TMEM116: variants seen among roughly 807,000 people sequenced by gnomAD.
The protein encoded by TMEM116 is transmembrane protein 116.
Under a neutral mutation model 44.3 loss-of-function variants are expected in TMEM116, and 38 were observed. That is an observed-to-expected ratio of 0.86 (90% CI 0.66 to 1.12). TMEM116 has a LOEUF of 1.12. TMEM116 is among the 50% of genes most tolerant of loss of function. The pLI is 0.00. For synonymous variants in TMEM116, 132 were observed against 144.8 expected, an observed-to-expected ratio of 0.91 and a Z score of 0.64; for missense variants, 354 against 401.7, an observed-to-expected ratio of 0.88 and a Z score of 1.01.
chr12:112,008,166 GAC>G (rs1339297801), intron 1 of TMEM116, among the ~76,000 whole-genome samples: 2 of 152,144 alleles, frequency 1.3e-5, no homozygotes, highest in African/African-American at 4.8e-5. Flanking sequence ...CAGCCTGAGC[GAC>G]AGAGTGAAAC....
At chr12:111,998,605 G>A (rs547392957) in intron 3 of TMEM116, among the ~76,000 whole-genome samples, 4 of 152,286 alleles carry the variant, frequency 2.6e-5, no homozygotes, top group African/African-American at 9.6e-5. Flanking sequence ...GATCACCTGA[G>A]GTCAGGAGTT....
chr12:111,980,726 CTG>C (rs559915565), intron 4 of TMEM116, among the ~76,000 whole-genome samples: 22 of 152,266 alleles, frequency 1.4e-4, no homozygotes, highest in African/African-American at 5.3e-4. Flanking sequence ...AAATCTAAAA[CTG>C]TTCTAAAAAT....
chr12:111,960,512 A>G (rs2074502618), intron 4 of TMEM116, among the ~76,000 whole-genome samples: 3 of 149,760 alleles, frequency 2.0e-5, no homozygotes, highest in Admixed American at 6.6e-5. Flanking sequence ...AAAAAAAAAA[A>G]AAAAAAGAAA....
chr12:112,004,948 A>AT (rs1224476982), intron 2 of TMEM116, among the ~76,000 whole-genome samples: 1 of 152,008 alleles, frequency 6.6e-6, no homozygotes, highest in African/African-American at 2.4e-5. Flanking sequence ...AGCCCTGCCA[A>AT]TTTTCTCTTT....
At chr12:112,008,704 G>C (rs1417584715) in intron 1 of TMEM116, among the ~76,000 whole-genome samples, 6 of 152,162 alleles carry the variant, frequency 3.9e-5, no homozygotes, top group Non-Finnish European at 8.8e-5. Flanking sequence ...AGGCACGGTG[G>C]AGTACGCCTG....
At chr12:111,976,816 A>G (rs2075696180) in intron 4 of TMEM116, among the ~76,000 whole-genome samples, 2 of 152,212 alleles carry the variant, frequency 1.3e-5, no homozygotes, top group African/African-American at 4.8e-5. Flanking sequence ...AAAATACTGT[A>G]ATAGACATAA....
At chr12:111,983,038 T>A (rs1249785480) in intron 4 of TMEM116, among the ~76,000 whole-genome samples, 1 of 151,980 alleles carries the variant, frequency 6.6e-6, no homozygotes, top group African/African-American at 2.4e-5. Context: ...GTAATCCCAC[T>A]TTGGGATTAC....
chr12:111,998,899 G>A (rs2077074346), intron 3 of TMEM116, among the ~76,000 whole-genome samples: 1 of 152,088 alleles, frequency 6.6e-6, no homozygotes, highest in Non-Finnish European at 1.5e-5. Flanking sequence ...AGAAGTCTTT[G>A]GCAGGGCAAA....
At chr12:112,004,586 C>T (rs2077473928) in intron 2 of TMEM116, among the ~76,000 whole-genome samples, 1 of 152,108 alleles carries the variant, frequency 6.6e-6, no homozygotes, top group Non-Finnish European at 1.5e-5. Context: ...CATATCCAGC[C>T]AATATTTTTA....
intron 4 of TMEM116, among the ~76,000 whole-genome samples, chr12:111,984,846 A>T (rs546085966): frequency 5.3e-5 from 8 of 152,258 alleles, no homozygotes; most frequent in East Asian, 3.9e-4. Flanking sequence ...TAAAAAAAAA[A>T]TTTTAAATGT....
intron 4 of TMEM116, among the ~76,000 whole-genome samples, chr12:111,985,718 T>C (rs906184674): frequency 6.6e-6 from 1 of 152,032 alleles, no homozygotes; most frequent in Non-Finnish European, 1.5e-5. Flanking sequence ...CTCCAGAGCC[T>C]CCAGAGTAGC....
At chr12:111,988,200 T>C (rs2076331541) in intron 4 of TMEM116, among the ~76,000 whole-genome samples, 1 of 152,206 alleles carries the variant, frequency 6.6e-6, no homozygotes, top group Non-Finnish European at 1.5e-5. Context: ...TATTGTTTAA[T>C]GGTACACAGC....
intron 1 of TMEM116, among the ~76,000 whole-genome samples, chr12:112,006,349 T>C (rs1220963120): frequency 6.6e-6 from 1 of 151,472 alleles, no homozygotes; most frequent in African/African-American, 2.4e-5. Context: ...AATAGAGAAA[T>C]GGAACTAAAA....
At chr12:111,941,193 T>C (rs746593390) in intron 5 of TMEM116, among the ~76,000 whole-genome samples, 10 of 152,034 alleles carry the variant, frequency 6.6e-5, no homozygotes, top group Admixed American at 3.3e-4. Context: ...CTGGCCAACA[T>C]GGTGAAACCC....
At chr12:111,980,871 C>T (rs1204199428) in intron 4 of TMEM116, among the ~76,000 whole-genome samples, 1 of 151,954 alleles carries the variant, frequency 6.6e-6, no homozygotes, top group East Asian at 1.9e-4. Flanking sequence ...CTCAGGGGTT[C>T]GAGACCAGCC....
intron 4 of TMEM116, among the ~76,000 whole-genome samples, chr12:111,946,002 A>G (rs535652656): frequency 1.4e-4 from 21 of 152,214 alleles, no homozygotes; most frequent in Non-Finnish European, 3.1e-4. Flanking sequence ...AAGTTAGGCT[A>G]GGCAAAGCTA....
intron 3 of TMEM116, among the ~76,000 whole-genome samples, chr12:111,995,474 T>A (rs1300354013): frequency 6.6e-6 from 1 of 152,172 alleles, no homozygotes; most frequent in Non-Finnish European, 1.5e-5. Context: ...ACGGGCATGG[T>A]GGCTCACGTC....
intron 4 of TMEM116, among the ~76,000 whole-genome samples, chr12:111,984,199 AAAGG>A (rs2076096168): frequency 6.6e-6 from 1 of 152,184 alleles, no homozygotes; most frequent in African/African-American, 2.4e-5. Context: ...TCAGCAAAAT[AAAGG>A]CCAGTACATA....
intron 4 of TMEM116, among the ~76,000 whole-genome samples, chr12:111,986,709 T>G (rs1329087792): frequency 6.6e-6 from 1 of 151,890 alleles, no homozygotes; most frequent in Non-Finnish European, 1.5e-5. Flanking sequence ...CTTGGGAGGC[T>G]GAGGTGGGAG....
Sources: allele counts gnomAD v4.1 joint callset (sites outside exome capture counted in the v4.1 genomes callset), GRCh38; gene constraint gnomAD v4.1.1; transcripts MANE v1.5; gene names NCBI Gene and HGNC (gene_info 2026-07-23, HGNC 2026-07-21).